The following PI4K2A variants were observed in gnomAD, a reference collection of about 807,000 sequenced individuals.
PI4K2A encodes the protein phosphatidylinositol 4-kinase type 2-alpha.
Under a neutral mutation model 55.0 loss-of-function variants are expected in PI4K2A, and 20 were observed. That is an observed-to-expected ratio of 0.36 (90% CI 0.26 to 0.53). The LOEUF is 0.53. Ranked by LOEUF, PI4K2A falls within the 20% of genes least tolerant of loss-of-function variation. PI4K2A has a pLI of 0.91. For synonymous variants in PI4K2A, 235 were observed against 258.5 expected, an observed-to-expected ratio of 0.91 and a Z score of 0.87; for missense variants, 463 against 637.1, an observed-to-expected ratio of 0.73 and a Z score of 2.94.
At chr10:97,659,558 G>A (rs2041570805) in intron 4 of PI4K2A, among the ~76,000 whole-genome samples, 1 of 151,458 alleles carries the variant, frequency 6.6e-6, no homozygotes, top group Non-Finnish European at 1.5e-5. Context: ...TTGAATAGAA[G>A]TAAAAGCAGG....
chr10:97,643,351 C>T (rs760904973), intron 1 of PI4K2A, among the ~76,000 whole-genome samples: 1 of 151,904 alleles, frequency 6.6e-6, no homozygotes, highest in Non-Finnish European at 1.5e-5. Flanking sequence ...CTAAGATTAT[C>T]TTTGATAGGT....
chr10:97,642,654 G>A (rs375192758), intron 1 of PI4K2A, among the ~76,000 whole-genome samples: 58 of 151,996 alleles, frequency 3.8e-4, no homozygotes, highest in South Asian at 2.7e-3. Context: ...CTCCCAAAGC[G>A]CTGGGATTAC....
At chr10:97,657,119 G>A in intron 4 of PI4K2A, 145 bp downstream of exon 4, 2 of 708,794 alleles carry the variant, frequency 2.8e-6, no homozygotes, top group South Asian at 1.9e-5. Context: ...CCTGGAGTTA[G>A]TATTTGCATT....
At chr10:97,658,369 C>T (rs1346007548) in intron 4 of PI4K2A, among the ~76,000 whole-genome samples, 3 of 152,166 alleles carry the variant, frequency 2.0e-5, no homozygotes, top group East Asian at 3.9e-4. Flanking sequence ...TCAGAATTTC[C>T]TTCCTTTTTA....
chr10:97,666,051 C>T (rs1039662557), intron 6 of PI4K2A, among the ~76,000 whole-genome samples: 1 of 152,096 alleles, frequency 6.6e-6, no homozygotes, highest in Non-Finnish European at 1.5e-5. Context: ...TGTTCCATCT[C>T]CTACCCTGTT....
chr10:97,669,841 T>C (rs1011122617), intron 8 of PI4K2A, among the ~76,000 whole-genome samples: 1 of 152,184 alleles, frequency 6.6e-6, no homozygotes, highest in African/African-American at 2.4e-5. Flanking sequence ...GTTACTCAAC[T>C]TAAAGGCTTC....
intron 2 of PI4K2A, among the ~76,000 whole-genome samples, chr10:97,653,521 C>T (rs1202986337): frequency 6.6e-6 from 1 of 152,222 alleles, no homozygotes; most frequent in Non-Finnish European, 1.5e-5. Context: ...AGTGTCACCC[C>T]CACAATCCCT....
rs141713215 is a variant in PI4K2A at position 97,659,640 on chromosome 10, T to C, written c.922+2666T>C. ...CACCATTATGATGTTAGGGTCCTTT[T>C]TGCCCACCTTGGCACCCTCAAGCTA... On this transcript the variant is annotated intron_variant, in intron 4 of 8. Transcript: ENST00000370631. Among the ~76,000 whole-genome samples the C allele has an allele frequency of 2.9e-3, 447 of 152,194 alleles. 2 individuals are homozygous for C. Among genetic ancestry groups the C allele is most frequent in the Non-Finnish European group, 4.1e-3 (281 of 68,028 alleles).
chr10:97,660,984 A>C lies in PI4K2A; in HGVS notation c.923-1923A>C, dbSNP rs2041580080. Among the ~76,000 whole-genome samples, 3 of 150,694 alleles carry C rather than the reference A, an allele frequency of 2.0e-5. No homozygotes were observed. In the East Asian group the frequency reaches 5.9e-4, roughly 30 times the overall value. ...TGACTGGAACTGCTGGATTTTTTAA[A>C]ATTTATTTTTATTTTATATTTTTTG... On this transcript the variant is annotated intron_variant, in intron 4 of 8. Transcript: ENST00000370631.
exon 7 of PI4K2A, chr10:97,666,519 C>T (rs759546147): frequency 1.2e-6 from 2 of 1,613,162 alleles, no homozygotes; most frequent in African/African-American, 1.3e-5. Context: ...CCAAAGATAT[C>T]GGACCCTAAC....
At chr10:97,654,138 G>C (rs2041541678) in intron 2 of PI4K2A, among the ~76,000 whole-genome samples, 1 of 152,208 alleles carries the variant, frequency 6.6e-6, no homozygotes, top group African/African-American at 2.4e-5. Flanking sequence ...CTCACTGGCT[G>C]TCTCTGCTCT....
intron 1 of PI4K2A, among the ~76,000 whole-genome samples, chr10:97,641,634 G>A (rs1244310418): frequency 6.6e-6 from 1 of 152,174 alleles, no homozygotes; most frequent in Non-Finnish European, 1.5e-5. Context: ...TGAGAATTCA[G>A]TTCCAGCCTT....
exon 9 of PI4K2A, chr10:97,676,019 A>G (rs1229550914): frequency 6.6e-6 from 1 of 152,636 alleles, no homozygotes; most frequent in Non-Finnish European, 1.5e-5. Flanking sequence ...ATTTAAATCA[A>G]CGCAAATGTA....
chr10:97,641,105 C>G lies in PI4K2A; in HGVS notation c.363C>G (p.Ile121Met), dbSNP rs1427364383. 34 of 1,609,170 alleles carry G rather than the reference C, an allele frequency of 2.1e-5. No homozygotes were observed. Among genetic ancestry groups the G allele is most frequent in the Non-Finnish European group, 2.9e-5 (34 of 1,179,364 alleles). ...TGGTGCGGCAGGCCGAGCTGGCCATCGAGCGCTGCATCTTTCCCGAGCGCA... is the reference window on the plus strand; with the variant it reads ...TGGTGCGGCAGGCCGAGCTGGCCATGGAGCGCTGCATCTTTCCCGAGCGCA... The change falls in exon 1 of 9, where the codon ATC (isoleucine) becomes ATG (methionine). Residue 121 changes from isoleucine to methionine, a missense_variant. Around this residue, in one of 2 missense-constraint regions of PI4K2A, gnomAD observed 186 missense variants for 204.5 expected, o/e 0.91. Transcript: ENST00000370631.
intron 1 of PI4K2A, among the ~76,000 whole-genome samples, chr10:97,645,562 C>G (rs2041501181): frequency 7.0e-6 from 1 of 143,702 alleles, no homozygotes; most frequent in Admixed American, 7.1e-5. Flanking sequence ...GAGCCAAGAT[C>G]GTGCCACTGC....
chr10:97,675,887 A>ACAC (rs2135766677), exon 9 of PI4K2A: 1 of 152,712 alleles, frequency 6.5e-6, no homozygotes, highest in South Asian at 2.1e-4. Flanking sequence ...CACTCATGGA[A>ACAC]CACCGTCCCT....
chr10:97,644,492 G>A (rs2135751968), intron 1 of PI4K2A, among the ~76,000 whole-genome samples: 1 of 152,320 alleles, frequency 6.6e-6, no homozygotes, highest in African/African-American at 2.4e-5. Flanking sequence ...TGTAAAAGAA[G>A]TCTATAGGCT....
At chr10:97,661,219 C>T (rs1247506931) in intron 4 of PI4K2A, among the ~76,000 whole-genome samples, 3 of 152,120 alleles carry the variant, frequency 2.0e-5, no homozygotes, top group Non-Finnish European at 4.4e-5. Flanking sequence ...TCTCGATCTC[C>T]TGACCTCGTG....
chr10:97,648,092 ATTT>A lies in PI4K2A; in HGVS notation c.436-2831_436-2829del, dbSNP rs11332690. Among the ~76,000 whole-genome samples, 475 of 120,618 alleles carry A rather than the reference ATTT, an allele frequency of 3.9e-3. 1 individual carries two copies. Among genetic ancestry groups the A allele is most frequent in the Non-Finnish European group, 5.9e-3 (351 of 59,412 alleles). The allele number at this position is 120,618 out of a possible 152,430, so 79.1% of individuals were successfully genotyped here. ...AGGTGCATACCACCACACTTAGCTA[ATTT>A]TTTTTTTTTTTTTTTTTGAGATGCT... On this transcript the variant is annotated intron_variant, in intron 1 of 8. Transcript: ENST00000370631.
Sources: allele counts gnomAD v4.1 joint callset (sites outside exome capture counted in the v4.1 genomes callset), GRCh38; gene constraint gnomAD v4.1.1; regional missense constraint gnomAD v4.1.1; transcripts MANE v1.5; gene names NCBI Gene and HGNC (gene_info 2026-07-23, HGNC 2026-07-21).